NSD2: variants seen among roughly 807,000 people sequenced by gnomAD.
NSD2 encodes nuclear receptor binding SET domain protein 2.
In NSD2, 12 loss-of-function variants were observed where a neutral mutation model predicts 139.0. That is an observed-to-expected ratio of 0.09 (90% CI 0.06 to 0.14). NSD2 has a LOEUF of 0.14. Ranked by LOEUF, NSD2 falls within the 10% of genes least tolerant of loss-of-function variation. NSD2 has a pLI of 1.00. For missense variants in NSD2, 1,155 were observed against 1,745.0 expected (o/e 0.66, Z 6.02); for synonymous variants, 669 against 648.7 (o/e 1.03, Z -0.48).
chr4:1,942,069 G>A lies in NSD2; in HGVS notation c.1881+2291G>A. 1 of 1,168,960 alleles carries A rather than the reference G, an allele frequency of 8.6e-7. No homozygotes were observed. Among genetic ancestry groups the A allele is most frequent in the Non-Finnish European group, 1.1e-6 (1 of 942,310 alleles). The allele number at this position is 1,168,960 out of a possible 1,614,324, so 72.4% of individuals were successfully genotyped here. A position where few individuals can be genotyped will look rare whatever the true frequency, so the allele number is the denominator to read the frequency against. ...TTTCATCACATTTGTTTGAAATAAG[G>A]TACTTTTATAGGGTTGGTATTTCAG... On this transcript the variant is annotated intron_variant, in intron 9 of 21. Transcript: ENST00000508803. The surrounding 1 kb of genome is among the most constrained non-coding windows in gnomAD (Gnocchi z 4.0).
At chr4:1,920,508 T>C (rs1719975193) in intron 5 of NSD2, among the ~76,000 whole-genome samples, 2 of 152,288 alleles carry the variant, frequency 1.3e-5, no homozygotes, top group South Asian at 4.1e-4. Flanking sequence ...CTCATCTCCA[T>C]AGAGGGAGAA....
chr4:1,904,473 G>T, intron 3 of NSD2, 95 bp downstream of exon 3: 1 of 1,360,732 alleles, frequency 7.3e-7, no homozygotes, highest in South Asian at 1.5e-5. Flanking sequence ...AAATAGCCCT[G>T]CTATGGTTCA....
chr4:1,938,516 G>A lies in NSD2; in HGVS notation c.1740G>A (p.Ser580=), dbSNP rs772571701. The A allele has an allele frequency of 7.2e-6, 11 of 1,533,026 alleles. No homozygotes were observed. Among genetic ancestry groups the A allele is most frequent in the South Asian group, 4.5e-5 (4 of 89,264 alleles). 95.0% of individuals were successfully genotyped at this position (1,533,026 alleles called of 1,614,324 possible). A position where few individuals can be genotyped will look rare whatever the true frequency, so the allele number is the denominator to read the frequency against. ...SSYKAMEAAS[S]LKSQAATKNL... is the part of the protein sequence containing the mutation. The stretch of plus-strand genomic sequence containing the variant: ...ACAAGGCCATGGAGGCAGCCTCCTC[G>A]CTCAAGAGCCAGGCAGGTAATGTGG... Residue 580 remains serine (S), a synonymous_variant, in exon 8 of 22, where the codon TCG becomes TCA. Transcript: ENST00000508803.
intron 1 of NSD2, among the ~76,000 whole-genome samples, chr4:1,891,055 A>G (rs958977611): frequency 6.6e-5 from 10 of 151,952 alleles, no homozygotes; most frequent in African/African-American, 2.4e-4. Context: ...CACCACGCCC[A>G]GCTAAGTTTT....
intron 20 of NSD2, 147 bp downstream of exon 20, chr4:1,975,547 A>G (rs2109022357): frequency 3.0e-6 from 2 of 663,418 alleles, no homozygotes; most frequent in Middle Eastern, 4.2e-4. Flanking sequence ...TGGGCTGGGG[A>G]GGATGGCTCT....
At chr4:1,888,499 A>G (rs1715287499) in intron 1 of NSD2, among the ~76,000 whole-genome samples, 1 of 150,398 alleles carries the variant, frequency 6.6e-6, no homozygotes, top group Non-Finnish European at 1.5e-5. Context: ...TTGGGTATAT[A>G]TCATTTAGGT....
chr4:1,979,054 T>TCC lies in NSD2; in HGVS notation c.*148_*149dup. ...ACAGGCCTCCTCGGGAGGGAGCGCC[T>TCC]CCCCACCACTGAGCCATCCTCAGCA... is the stretch of plus-strand genomic sequence containing the variant. On this transcript the variant is annotated 3_prime_UTR_variant, in exon 22 of 22. Transcript: ENST00000508803. The TCC allele has an allele frequency of 9.6e-7, 1 of 1,041,758 alleles. No homozygotes were observed. Among genetic ancestry groups the TCC allele is most frequent in the Non-Finnish European group, 1.3e-6 (1 of 758,736 alleles). The allele number at this position is 1,041,758 out of a possible 1,614,324, so 64.5% of individuals were successfully genotyped here.
At position 1,976,014 on chromosome 4, in the gene NSD2, C is replaced by T. The variant is rs892398525; in HGVS notation, c.3622-461C>T. Among the ~76,000 whole-genome samples, 1 of 152,212 alleles carries T rather than the reference C, an allele frequency of 6.6e-6. No homozygotes were observed. The highest frequency in any genetic ancestry group is 2.4e-5 in the African/African-American group (1 of 41,458). The stretch of plus-strand genomic sequence containing the variant: ...CCTGAAAGCCTGGCGGTGGCACCAG[C>T]TCGGCCCTGAGCCGGTGTCTGTCCT... On this transcript the variant is annotated intron_variant, in intron 20 of 21. Transcript: ENST00000508803. The surrounding 1 kb of genome is among the most constrained non-coding windows in gnomAD (Gnocchi z 5.3).
At chr4:1,935,038 A>G (rs1722225767) in intron 6 of NSD2, 106 bp from the exon 7 acceptor site, 1 of 713,766 alleles carries the variant, frequency 1.4e-6, no homozygotes. Flanking sequence ...GAAACCCATC[A>G]TGGGCTGGAT....
intron 1 of NSD2, among the ~76,000 whole-genome samples, chr4:1,896,838 CTCTTT>C (rs547839568): frequency 5.0e-4 from 71 of 142,118 alleles, no homozygotes; most frequent in African/African-American, 1.5e-3. Flanking sequence ...TTCTTCTCTT[CTCTTT>C]TCTTTTCTTT....
In NSD2 at chr4:1,967,446, C is replaced by T. The variant is rs368243950; in HGVS notation, c.3372+6295C>T. ...TACAAAAATTAGCTGGGCGTGGTGG[C>T]GGGCGCCCATAATCCCAGCTACTCA... is the stretch of plus-strand genomic sequence containing the variant. On this transcript the variant is annotated intron_variant, in intron 18 of 21. Coordinates refer to ENST00000508803, the MANE Select transcript of NSD2 (RefSeq NM_001042424.3). 3.1e-3 allele frequency among the ~76,000 whole-genome samples: 474 copies of T among 152,140 alleles called. 1 individual carries two copies. The highest frequency in any genetic ancestry group is 0.011 in the African/African-American group (458 of 41,494).
At chr4:1,950,971 T>C in intron 9 of NSD2, 101 bp from the exon 10 acceptor site, 1 of 1,464,370 alleles carries the variant, frequency 6.8e-7, no homozygotes, top group Non-Finnish European at 9.2e-7. Context: ...TGAGAAAGAC[T>C]GGTGGGTGGT....
At position 1,918,256 on chromosome 4, in the gene NSD2, A is replaced by T. The variant is rs752594374; in HGVS notation, c.1043A>T (p.Tyr348Phe). The change falls in exon 5 of 22, where the codon TAT becomes TTT. Residue 348 changes from tyrosine (Y) to phenylalanine (F), a missense_variant. This residue lies in a region of NSD2 where 420 missense variants were observed against 469.0 expected (regional missense o/e 0.90). Coordinates refer to ENST00000508803, the MANE Select transcript of NSD2 (RefSeq NM_001042424.3). ...CGGAAAGCCAAGTTCACCTTTCTCTATGTGGGGGACCAGCTTCATCTCAAC... is the reference window on the plus strand; with the variant it reads ...CGGAAAGCCAAGTTCACCTTTCTCTTTGTGGGGGACCAGCTTCATCTCAAC... ...EERKAKFTFLYVGDQLHLNPQ... is the reference protein window; with the variant it reads ...EERKAKFTFLFVGDQLHLNPQ... 5 of 1,613,686 alleles carry T rather than the reference A, an allele frequency of 3.1e-6. No individual in the cohort carries two copies. In the African/African-American group the frequency reaches 5.3e-5, roughly 17 times the overall value.
At chr4:1,904,051 A>G (rs192348296) in intron 2 of NSD2, among the ~76,000 whole-genome samples, 165 bp from the exon 3 acceptor site, 74 of 152,244 alleles carry the variant, frequency 4.9e-4, no homozygotes, top group Non-Finnish European at 5.3e-4. Flanking sequence ...CAAAATTTTG[A>G]TGAAACGATG....
chr4:1,917,609 G>T lies in NSD2; in HGVS notation c.928-532G>T, dbSNP rs573722870. Reference sequence around the variant, plus strand: ...CTGCCACCACGCCTGGCTAATTTTTGTATTTTTAGTGGAGACAGGGTTTCA... The same window carrying T: ...CTGCCACCACGCCTGGCTAATTTTTTTATTTTTAGTGGAGACAGGGTTTCA... On this transcript the variant is annotated intron_variant, in intron 4 of 21. Coordinates refer to ENST00000508803, the MANE Select transcript of NSD2 (RefSeq NM_001042424.3). Among the ~76,000 whole-genome samples the T allele has an allele frequency of 1.8e-3, 278 of 151,866 alleles. 2 individuals are homozygous for T. Among genetic ancestry groups the T allele is most frequent in the African/African-American group, 6.4e-3 (263 of 41,404 alleles).
chr4:1,918,815 C>A, intron 5 of NSD2, 192 bp downstream of exon 5: 1 of 751,252 alleles, frequency 1.3e-6, no homozygotes, highest in Non-Finnish European at 2.0e-6. Flanking sequence ...GACTTGCACT[C>A]TGGGGTCTTA....
chr4:1,876,599 G>A (rs902892002), intron 1 of NSD2, among the ~76,000 whole-genome samples: 3 of 152,104 alleles, frequency 2.0e-5, no homozygotes, highest in African/African-American at 7.2e-5. Flanking sequence ...GGCTGAAGTG[G>A]GAGGTCACCT....
At chr4:1,944,103 T>C (rs1723380893) in intron 9 of NSD2, 1 of 1,064,294 alleles carries the variant, frequency 9.4e-7, no homozygotes, top group Admixed American at 5.4e-5. Flanking sequence ...GGTGACATCG[T>C]TCCCTGGGGA....
intron 5 of NSD2, among the ~76,000 whole-genome samples, chr4:1,924,810 T>G (rs567471166): frequency 5.5e-4 from 83 of 151,862 alleles, no homozygotes; most frequent in African/African-American, 2.0e-3. Flanking sequence ...ACTTGTAGTC[T>G]TAGTTACTCA....
Sources: gnomAD v4.1 joint callset for allele counts (sites outside exome capture counted in the v4.1 genomes callset) on GRCh38, gnomAD v4.1.1 for gene constraint, gnomAD v4.1.1 regional missense constraint, Gnocchi (gnomAD v3.1) non-coding constraint, MANE v1.5 for transcripts, NCBI Gene and HGNC (gene_info 2026-07-23, HGNC 2026-07-21) for gene names.